CCDC40: variants seen among roughly 807,000 people sequenced by gnomAD.
CCDC40 encodes coiled-coil domain 40 molecular ruler complex subunit.
A neutral mutation model predicts 124.5 loss-of-function variants in CCDC40; 104 were observed. The ratio of observed to expected loss-of-function variants is 0.84; its 90% confidence interval spans 0.71 to 0.98. The LOEUF is 0.98. Among genes scored for constraint, CCDC40 ranks in the 50% least tolerant of loss-of-function variants. The pLI is 0.00. For synonymous variants in CCDC40, 580 were observed against 602.9 expected (o/e 0.96, Z 0.56); for missense variants, 1,463 against 1,503.9 (o/e 0.97, Z 0.45).
chr17:80,086,473 T>C lies in CCDC40; in HGVS notation c.2449+257T>C, dbSNP rs147581969. 51 of 469,858 alleles carry C rather than the reference T, an allele frequency of 1.1e-4. No homozygotes were observed. Among genetic ancestry groups the C allele is most frequent in the Non-Finnish European group, 1.7e-4 (44 of 254,462 alleles). 29.1% of individuals were successfully genotyped at this position (469,858 alleles called of 1,614,324 possible). On this transcript the variant is annotated intron_variant, in intron 14 of 19. Coordinates refer to ENST00000397545, the MANE Select transcript of CCDC40 (RefSeq NM_017950.4). The surrounding 1 kb of genome is among the most constrained non-coding windows in gnomAD (Gnocchi z 5.5). ...AAGCTCACGGACTTCAGAGCTCTCC[T>C]TGAGAGAGGAGCATGGAAGGTTATC... is the stretch of plus-strand genomic sequence containing the variant.
At chr17:80,065,870 C>A (rs2038032565) in intron 10 of CCDC40, among the ~76,000 whole-genome samples, 1 of 152,212 alleles carries the variant, frequency 6.6e-6, no homozygotes, top group Non-Finnish European at 1.5e-5. Flanking sequence ...AGAAACAGAG[C>A]AGGGTAAAGA....
Position 80,084,880 on chromosome 17 carries a change from C to T in CCDC40, c.2127C>T (p.Ile709=). 6.2e-7 allele frequency: 1 copy of T among 1,614,170 alleles called. No homozygotes were observed. Among genetic ancestry groups the T allele is most frequent in the Non-Finnish European group, 8.5e-7 (1 of 1,180,046 alleles). Residue 709 remains isoleucine (I), a synonymous_variant, in exon 13 of 20, where the codon ATC becomes ATT. Transcript: ENST00000397545. The stretch of plus-strand genomic sequence containing the variant: ...ACGTGAAGAAAGTCAACGAGCTCAT[C>T]ACCAACAGCCAGAGCGAGATCTCCC... ...DQDVKKVNEL[I]TNSQSEISRR...
intron 17 of CCDC40, among the ~76,000 whole-genome samples, 185 bp from the exon 18 acceptor site, chr17:80,095,078 C>T (rs1163159478): frequency 6.6e-6 from 1 of 152,220 alleles, no homozygotes; most frequent in African/African-American, 2.4e-5. Flanking sequence ...CTGTGGATTC[C>T]GGGTTCCCAC....
intron 3 of CCDC40, among the ~76,000 whole-genome samples, chr17:80,041,381 A>G (rs2037278070): frequency 2.0e-5 from 3 of 151,890 alleles, no homozygotes; most frequent in Admixed American, 6.6e-5. Flanking sequence ...GGTGGTGCAC[A>G]CCTGTAATCC....
rs145702818 is a variant in CCDC40, at chr17:80,062,031, G to A, written c.1440+3051G>A. On this transcript the variant is annotated intron_variant, in intron 9 of 19. Coordinates refer to ENST00000397545, the MANE Select transcript of CCDC40 (RefSeq NM_017950.4). ...AGGCTGAAGCAGGAGGAGCACTTGT[G>A]CCCAGGAAGTCAGGGCTGCAGTGAG... Among the ~76,000 whole-genome samples the A allele has an allele frequency of 5.5e-4, 84 of 152,254 alleles. 1 individual carries two copies. The highest frequency in any genetic ancestry group is 1.8e-3 in the African/African-American group (76 of 41,544).
intron 3 of CCDC40, 44 bp downstream of exon 3, chr17:80,040,314 C>T (rs1195829131): frequency 6.4e-7 from 1 of 1,570,028 alleles, no homozygotes. Flanking sequence ...TCGCACGGCC[C>T]ACGGGGTTTG....
At chr17:80,062,881 G>T (rs979851911) in intron 9 of CCDC40, among the ~76,000 whole-genome samples, 3 of 151,916 alleles carry the variant, frequency 2.0e-5, no homozygotes, top group Non-Finnish European at 4.4e-5. Flanking sequence ...ATGAGCCACC[G>T]CACCTGGCAC....
In CCDC40 at chr17:80,058,730, G is replaced by T. The variant is rs752449256; in HGVS notation, c.1317+79G>T. 2.5e-5 allele frequency: 40 copies of T among 1,602,126 alleles called. No homozygotes were observed. Among genetic ancestry groups the T allele is most frequent in the Non-Finnish European group, 3.2e-5 (38 of 1,169,510 alleles). ...AAAGGGGCTCAGCTTTGCCTCCTGC[G>T]TGAAGGCTTCCGGCCGGAGGGGTGG... On this transcript the variant is annotated intron_variant, in intron 8 of 19. Transcript: ENST00000397545. This position sits in a 1 kb window ranked among gnomAD's most constrained non-coding sequence, Gnocchi z 4.2.
Position 80,099,709 on chromosome 17 carries a change from C to T in CCDC40, c.3363C>T (p.Phe1121=), listed in dbSNP as rs367605498. ...LDRVRDEYPQ[F]QEALHKVSQM... ...GCGTGCGGGACGAGTACCCCCAGTT[C>T]CAGGAGGCCCTGCACAAGGTCAGCC... The change falls in exon 20 of 20, where the codon TTC becomes TTT. Residue 1121 remains phenylalanine, a synonymous_variant. Transcript: ENST00000397545. 21 of 1,613,700 alleles carry T rather than the reference C, an allele frequency of 1.3e-5. No individual in the cohort carries two copies. The highest frequency in any genetic ancestry group is 1.6e-4 in the Middle Eastern group (1 of 6,084).
At chr17:80,075,420 G>A (rs915838015) in intron 10 of CCDC40, among the ~76,000 whole-genome samples, 1 of 151,982 alleles carries the variant, frequency 6.6e-6, no homozygotes, top group Non-Finnish European at 1.5e-5. Flanking sequence ...TAAGATTAGA[G>A]GCACCTGCCA....
chr17:80,091,835 T>C (rs2038729533), intron 17 of CCDC40, among the ~76,000 whole-genome samples: 1 of 152,106 alleles, frequency 6.6e-6, no homozygotes. Flanking sequence ...GGTGTATAAA[T>C]TCTGACTGTA....
At chr17:80,073,605 C>G (rs1568698813) in intron 10 of CCDC40, among the ~76,000 whole-genome samples, 1 of 152,192 alleles carries the variant, frequency 6.6e-6, no homozygotes, top group African/African-American at 2.4e-5. Context: ...CCTTGGGCCT[C>G]CCTATTCTCC....
At chr17:80,067,478 C>A in intron 10 of CCDC40, 2 of 929,808 alleles carry the variant, frequency 2.2e-6, no homozygotes, top group Non-Finnish European at 3.4e-6. Flanking sequence ...CACTGTTCTG[C>A]ACCTCTTTGC....
intron 9 of CCDC40, among the ~76,000 whole-genome samples, chr17:80,064,279 T>C (rs954336781): frequency 2.6e-5 from 4 of 152,200 alleles, no homozygotes; most frequent in Admixed American, 6.5e-5. Context: ...AGTCACTGTC[T>C]ACCAAGCTTG....
At chr17:80,050,407 C>G in intron 7 of CCDC40, 124 bp downstream of exon 7, 6 of 759,574 alleles carry the variant, frequency 7.9e-6, no homozygotes, top group Non-Finnish European at 1.4e-5. Flanking sequence ...GGGTTCCCAC[C>G]CTTTTTAGGA....
chr17:80,048,608 C>G lies in CCDC40; in HGVS notation c.702C>G (p.Ala234=). Reference sequence around the variant, plus strand: ...TGATCCCCCCAGGGGTGCCCGATGCCCACCCCAGGGAAGGAGACCTGCCAG... The same window carrying G: ...TGATCCCCCCAGGGGTGCCCGATGCGCACCCCAGGGAAGGAGACCTGCCAG... ...EPVIPPGVPD[A]HPREGDLPVF... is the part of the protein sequence containing the mutation. Residue 234 remains alanine (A), a synonymous_variant, in exon 5 of 20, where the codon GCC becomes GCG. Transcript: ENST00000397545. 1 of 1,613,768 alleles carries G rather than the reference C, an allele frequency of 6.2e-7. No individual in the cohort carries two copies. The highest frequency in any genetic ancestry group is 1.3e-5 in the African/African-American group (1 of 75,008).
At chr17:80,045,474 C>T (rs902622975) in intron 3 of CCDC40, among the ~76,000 whole-genome samples, 11 of 152,082 alleles carry the variant, frequency 7.2e-5, no homozygotes, top group African/African-American at 1.7e-4. Context: ...GAGGCCGAGG[C>T]GGGTGGATCA....
chr17:80,080,849 C>A (rs1011284471), intron 10 of CCDC40, among the ~76,000 whole-genome samples: 1 of 152,062 alleles, frequency 6.6e-6, no homozygotes, highest in Non-Finnish European at 1.5e-5. Flanking sequence ...GCCCAGTGTT[C>A]AATAGCATGT....
intron 5 of CCDC40, among the ~76,000 whole-genome samples, chr17:80,049,240 CAAAA>C (rs200114991): frequency 7.5e-6 from 1 of 133,932 alleles, no homozygotes; most frequent in Non-Finnish European, 1.6e-5. Flanking sequence ...ACTAAAAATA[CAAAA>C]AAAAAAAAAA....
Sources: allele counts gnomAD v4.1 joint callset (sites outside exome capture counted in the v4.1 genomes callset), GRCh38; gene constraint gnomAD v4.1.1; non-coding constraint Gnocchi (gnomAD v3.1); transcripts MANE v1.5; gene names NCBI Gene and HGNC (gene_info 2026-07-23, HGNC 2026-07-21).